TRPM3: variants seen among roughly 807,000 people sequenced by gnomAD.
TRPM3 encodes transient receptor potential cation channel subfamily M member 3.
TRPM3 carries 77 observed loss-of-function variants against 181.2 expected under a neutral mutation model. That is an observed-to-expected ratio of 0.42 (90% CI 0.35 to 0.51). The LOEUF (loss-of-function observed/expected upper bound fraction) is 0.51. Among genes scored for constraint, TRPM3 ranks in the 20% least tolerant of loss-of-function variants. The pLI, the probability that TRPM3 is intolerant of heterozygous loss-of-function variation, is 0.01. For synonymous variants in TRPM3, 745 were observed against 796.4 expected, an observed-to-expected ratio of 0.94 and a Z score of 1.09; for missense variants, 1,759 against 2,196.7, an observed-to-expected ratio of 0.80 and a Z score of 3.98.
chr9:71,317,963 A>G (rs2088807211), intron 1 of TRPM3, among the ~76,000 whole-genome samples: 1 of 152,118 alleles, frequency 6.6e-6, no homozygotes, highest in South Asian at 2.1e-4. Context: ...TTTAAAATAG[A>G]ATGGGAGGCT....
chr9:71,079,968 C>T (rs1425171866), intron 1 of TRPM3, among the ~76,000 whole-genome samples: 5 of 152,076 alleles, frequency 3.3e-5, no homozygotes, highest in South Asian at 2.1e-4. Flanking sequence ...GTTGGGAGTT[C>T]GAGACCAGCC....
At chr9:71,083,608 A>C (rs2064766840) in intron 1 of TRPM3, among the ~76,000 whole-genome samples, 1 of 151,920 alleles carries the variant, frequency 6.6e-6, no homozygotes, top group Non-Finnish European at 1.5e-5. Context: ...AATGACTATT[A>C]CTTTATGCAT....
At chr9:70,619,137 G>A (rs768991021) in intron 16 of TRPM3, 42 bp from the exon 17 acceptor site, 28 of 1,559,652 alleles carry the variant, frequency 1.8e-5, no homozygotes, top group Non-Finnish European at 1.4e-5. Context: ...AGGTCAGCTT[G>A]GAGACTTATA....
At chr9:70,793,784 A>G (rs2086273752) in intron 6 of TRPM3, 1 of 386,688 alleles carries the variant, frequency 2.6e-6, no homozygotes, top group South Asian at 2.0e-5. Flanking sequence ...AAAGTGATAC[A>G]TATTTAGTAG....
intron 1 of TRPM3, among the ~76,000 whole-genome samples, chr9:70,972,113 T>C (rs771478701): frequency 1.9e-4 from 29 of 152,164 alleles, no homozygotes; most frequent in Non-Finnish European, 3.5e-4. Context: ...AAAACATATT[T>C]TCATGTCTAA....
intron 1 of TRPM3, among the ~76,000 whole-genome samples, chr9:71,168,954 A>C (rs1276166543): frequency 6.6e-6 from 1 of 152,082 alleles, no homozygotes; most frequent in African/African-American, 2.4e-5. Context: ...ATTTCCTCAT[A>C]ATTAACAAAG....
At chr9:70,948,341 T>G (rs2096959197) in intron 1 of TRPM3, among the ~76,000 whole-genome samples, 1 of 152,188 alleles carries the variant, frequency 6.6e-6, no homozygotes, top group African/African-American at 2.4e-5. Context: ...GTGAGTCACC[T>G]ATGTCAATCT....
chr9:71,162,824 G>A (rs1323523983), intron 1 of TRPM3, among the ~76,000 whole-genome samples: 1 of 152,138 alleles, frequency 6.6e-6, no homozygotes, highest in Non-Finnish European at 1.5e-5. Flanking sequence ...AGAAAAGTAT[G>A]GTAAGCATTA....
chr9:71,341,573 A>G (rs1046591533), intron 1 of TRPM3, among the ~76,000 whole-genome samples: 63 of 152,064 alleles, frequency 4.1e-4, no homozygotes, highest in African/African-American at 1.5e-3. Context: ...AAACTCAAGG[A>G]TATATATTGA....
intron 1 of TRPM3, among the ~76,000 whole-genome samples, chr9:70,876,716 G>A (rs1221308618): frequency 2.0e-5 from 3 of 151,648 alleles, no homozygotes; most frequent in African/African-American, 2.4e-5. Flanking sequence ...TCTGATAATC[G>A]GATTCTTCTG....
chr9:70,769,779 G>T (rs966722965), intron 7 of TRPM3, among the ~76,000 whole-genome samples: 1 of 147,592 alleles, frequency 6.8e-6, no homozygotes, highest in African/African-American at 2.4e-5. Context: ...AGTAGATGAT[G>T]AACTTTTTGA....
At chr9:70,750,121 G>C (rs1037518740) in intron 8 of TRPM3, among the ~76,000 whole-genome samples, 20 of 152,162 alleles carry the variant, frequency 1.3e-4, no homozygotes, top group African/African-American at 4.8e-4. Flanking sequence ...AGGCTGTACT[G>C]TAAGATTGTA....
At chr9:71,207,014 G>T (rs976126671) in intron 1 of TRPM3, among the ~76,000 whole-genome samples, 1 of 152,072 alleles carries the variant, frequency 6.6e-6, no homozygotes, top group African/African-American at 2.4e-5. Context: ...GGGTACAGAA[G>T]CTAAGCAAGG....
chr9:70,841,661 T>TATATATATATA (rs1339698170), intron 5 of TRPM3, among the ~76,000 whole-genome samples: 1 of 86,080 alleles, frequency 1.2e-5, no homozygotes, highest in African/African-American at 4.8e-5. Context: ...TATATATATA[T>TATATATATATA]CCCACCATAT....
At chr9:70,759,286 G>C (rs10123468) in intron 8 of TRPM3, among the ~76,000 whole-genome samples, 152,205 of 152,352 alleles carry the variant, frequency 1, 76,029 homozygotes, top group Middle Eastern at 1. Flanking sequence ...CAATGAGATA[G>C]CATCTCACTC....
At chr9:70,831,979 A>G (rs868702367) in intron 5 of TRPM3, among the ~76,000 whole-genome samples, 5 of 103,576 alleles carry the variant, frequency 4.8e-5, no homozygotes, top group African/African-American at 1.5e-4. Flanking sequence ...ATATATATAT[A>G]TATATATATA....
intron 1 of TRPM3, among the ~76,000 whole-genome samples, chr9:71,437,378 C>T (rs903771857): frequency 7.0e-4 from 106 of 152,184 alleles, no homozygotes; most frequent in African/African-American, 2.4e-3. Flanking sequence ...ATAATTTTTG[C>T]ATTTTTAAAT....
chr9:71,234,783 C>T (rs946460894), intron 1 of TRPM3, among the ~76,000 whole-genome samples: 1 of 152,146 alleles, frequency 6.6e-6, no homozygotes, highest in Non-Finnish European at 1.5e-5. Context: ...AGTGTGCACA[C>T]TTTGGGAGAT....
intron 1 of TRPM3, among the ~76,000 whole-genome samples, chr9:71,272,859 T>G (rs953106404): frequency 6.6e-6 from 1 of 151,608 alleles, no homozygotes; most frequent in South Asian, 2.1e-4. Flanking sequence ...AGTATGAACA[T>G]TGTATGAAAG....
Sources: gnomAD v4.1 joint callset for allele counts (sites outside exome capture counted in the v4.1 genomes callset) on GRCh38, gnomAD v4.1.1 for gene constraint, MANE v1.5 for transcripts, NCBI Gene and HGNC (gene_info 2026-07-23, HGNC 2026-07-21) for gene names.